The following SNTB1 variants were observed in gnomAD, a reference collection of about 807,000 sequenced individuals.
SNTB1 encodes the protein syntrophin beta 1, also known as beta-1-syntrophin.
SNTB1 carries 36 observed loss-of-function variants against 48.9 expected under a neutral mutation model. The ratio of observed to expected loss-of-function variants is 0.74; its 90% confidence interval spans 0.56 to 0.97. The LOEUF (loss-of-function observed/expected upper bound fraction) is 0.97, where lower values mean the gene tolerates loss of function less well. SNTB1 is among the 50% of genes least tolerant of loss of function. The pLI, the probability that SNTB1 is intolerant of heterozygous loss-of-function variation, is 0.00. For synonymous variants in SNTB1, 299 were observed against 294.6 expected (o/e 1.01, Z -0.15); for missense variants, 786 against 703.4 (o/e 1.12, Z -1.33).
At chr8:120,783,803 C>A (rs868667657) in intron 1 of SNTB1, among the ~76,000 whole-genome samples, 1 of 151,772 alleles carries the variant, frequency 6.6e-6, no homozygotes, top group Non-Finnish European at 1.5e-5. Flanking sequence ...GGAAAATATT[C>A]GAAATAGATA....
chr8:120,610,750 T>C (rs1056213221), intron 3 of SNTB1, among the ~76,000 whole-genome samples: 1 of 152,136 alleles, frequency 6.6e-6, no homozygotes, highest in African/African-American at 2.4e-5. Context: ...TGAGATCTTG[T>C]TGGGAAGCTG....
chr8:120,704,380 C>T (rs1422991626), intron 1 of SNTB1, among the ~76,000 whole-genome samples: 1 of 151,820 alleles, frequency 6.6e-6, no homozygotes, highest in African/African-American at 2.4e-5. Context: ...CACTTGAGCT[C>T]AGTAAGTTGA....
At chr8:120,796,094 A>T (rs1820115052) in intron 1 of SNTB1, among the ~76,000 whole-genome samples, 1 of 151,920 alleles carries the variant, frequency 6.6e-6, no homozygotes, top group Non-Finnish European at 1.5e-5. Context: ...TGCTGTTCTC[A>T]TGATAGTGAG....
At position 120,640,509 on chromosome 8, in the gene SNTB1, G is replaced by A. The variant is rs184271878; in HGVS notation, c.789-7858C>T. Among the ~76,000 whole-genome samples the A allele has an allele frequency of 3.5e-3, 534 of 152,254 alleles. 2 individuals carry two copies. The highest frequency in any genetic ancestry group is 6.8e-3 in the Middle Eastern group (2 of 294). On this transcript the variant is annotated intron_variant, in intron 2 of 6. Transcript: ENST00000517992. ...TTGCCCATTCAGTATGATATTGGCT[G>A]TGGGTTTGTCATAAATAGCTCTTAT...
intron 1 of SNTB1, among the ~76,000 whole-genome samples, chr8:120,758,015 C>T (rs1819347474): frequency 6.6e-6 from 1 of 152,072 alleles, no homozygotes; most frequent in African/African-American, 2.4e-5. Flanking sequence ...AATGCATTAT[C>T]TCATTTATCG....
intron 2 of SNTB1, among the ~76,000 whole-genome samples, chr8:120,685,572 C>T (rs1296180876): frequency 6.6e-6 from 1 of 152,218 alleles, no homozygotes. Flanking sequence ...CCCTGGCAGC[C>T]TTAAATCTCC....
chr8:120,581,589 G>A (rs565863901), intron 3 of SNTB1, among the ~76,000 whole-genome samples: 8 of 151,934 alleles, frequency 5.3e-5, no homozygotes, highest in Admixed American at 1.3e-4. Flanking sequence ...CGGCAACAGA[G>A]TGAGACTCTG....
In SNTB1 at chr8:120,707,595, T is replaced by G. The variant is rs554681747; in HGVS notation, c.572-13687A>C. On this transcript the variant is annotated intron_variant, in intron 1 of 6. Transcript: ENST00000517992. ...TTTTAAAAAGGTAGGAAAGGAATGA[T>G]GGTGAGCATCAGTGAATGGATACAA... Among the ~76,000 whole-genome samples, 3 of 152,284 alleles carry G rather than the reference T, an allele frequency of 2.0e-5. No homozygotes were observed. In the East Asian group the frequency reaches 5.8e-4, roughly 29 times the overall value.
intron 3 of SNTB1, among the ~76,000 whole-genome samples, chr8:120,581,730 C>T (rs186839134): frequency 1.3e-5 from 2 of 152,228 alleles, no homozygotes; most frequent in East Asian, 1.9e-4. Flanking sequence ...CACTAAAGAG[C>T]GTGTCATTTT....
intron 3 of SNTB1, among the ~76,000 whole-genome samples, chr8:120,608,494 A>G (rs138186571): frequency 6.6e-5 from 10 of 152,318 alleles, no homozygotes; most frequent in South Asian, 2.1e-4. Context: ...AGAGGGAAGA[A>G]CAGATGAAGA....
At chr8:120,747,269 C>A (rs192557231) in intron 1 of SNTB1, among the ~76,000 whole-genome samples, 3 of 152,184 alleles carry the variant, frequency 2.0e-5, no homozygotes, top group African/African-American at 7.2e-5. Context: ...AACAGAAAAC[C>A]AAATACCACA....
chr8:120,609,607 T>G (rs1816586675), intron 3 of SNTB1, among the ~76,000 whole-genome samples: 1 of 152,218 alleles, frequency 6.6e-6, no homozygotes, highest in African/African-American at 2.4e-5. Flanking sequence ...TTAAAAAATT[T>G]GTAATCACAT....
At chr8:120,754,584 T>C (rs1045073210) in intron 1 of SNTB1, among the ~76,000 whole-genome samples, 6 of 152,150 alleles carry the variant, frequency 3.9e-5, no homozygotes, top group Non-Finnish European at 7.4e-5. Flanking sequence ...TAAGAATTGT[T>C]CCAAATTCAG....
At chr8:120,557,713 C>G (rs1364959769) in intron 4 of SNTB1, among the ~76,000 whole-genome samples, 1 of 152,216 alleles carries the variant, frequency 6.6e-6, no homozygotes, top group Non-Finnish European at 1.5e-5. Flanking sequence ...TGCTGTCTTT[C>G]AGGGTAGGAG....
intron 3 of SNTB1, among the ~76,000 whole-genome samples, chr8:120,609,405 TG>T (rs1477732359): frequency 6.6e-6 from 1 of 152,188 alleles, no homozygotes; most frequent in Non-Finnish European, 1.5e-5. Context: ...GGGGATCAAA[TG>T]ACCACCTACC....
chr8:120,578,570 G>T (rs1196809355), intron 3 of SNTB1, among the ~76,000 whole-genome samples: 4 of 152,282 alleles, frequency 2.6e-5, no homozygotes, highest in Admixed American at 2.6e-4. Flanking sequence ...AGTTTCTCAA[G>T]AACTGATCAG....
intron 2 of SNTB1, among the ~76,000 whole-genome samples, chr8:120,690,976 C>T (rs569124591): frequency 4.4e-4 from 67 of 152,312 alleles, no homozygotes; most frequent in African/African-American, 1.6e-3. Context: ...TCTCACACCA[C>T]AGCAGAACAG....
chr8:120,544,927 C>T (rs533252588), intron 5 of SNTB1, among the ~76,000 whole-genome samples: 1 of 151,640 alleles, frequency 6.6e-6, no homozygotes, highest in South Asian at 2.1e-4. Context: ...CAAAAAGGCA[C>T]TGATTATCTT....
intron 1 of SNTB1, among the ~76,000 whole-genome samples, chr8:120,796,601 C>T (rs573669131): frequency 1.5e-4 from 23 of 152,022 alleles, no homozygotes; most frequent in Admixed American, 3.9e-4. Flanking sequence ...CTAACTAATC[C>T]GAACTGGTGG....
Sources: allele counts gnomAD v4.1 joint callset (sites outside exome capture counted in the v4.1 genomes callset), GRCh38; gene constraint gnomAD v4.1.1; transcripts MANE v1.5; gene names NCBI Gene and HGNC (gene_info 2026-07-23, HGNC 2026-07-21).